The following RGS22 variants were observed in gnomAD, a reference collection of about 807,000 sequenced individuals.
RGS22 encodes the protein regulator of G protein signaling 22.
RGS22 carries 148 observed loss-of-function variants against 172.9 expected under a neutral mutation model. The observed-to-expected ratio is 0.86, with a 90% CI of 0.75 to 0.98. The LOEUF (loss-of-function observed/expected upper bound fraction) is 0.98, where lower values mean the gene tolerates loss of function less well. Ranked by LOEUF, RGS22 falls within the 50% of genes least tolerant of loss-of-function variation. The probability of loss-of-function intolerance (pLI) is 0.00; values close to 1 mark genes in which losing one functional copy is unlikely to be tolerated. For synonymous variants in RGS22, 458 were observed against 480.2 expected, an observed-to-expected ratio of 0.95 and a Z score of 0.60; for missense variants, 1,347 against 1,440.8, an observed-to-expected ratio of 0.93 and a Z score of 1.05.
At chr8:99,975,432 A>G (rs1381632574) in intron 23 of RGS22, among the ~76,000 whole-genome samples, 1 of 151,898 alleles carries the variant, frequency 6.6e-6, no homozygotes, top group East Asian at 1.9e-4. Flanking sequence ...TTATTTCTCA[A>G]TTTCCTGTGT....
At chr8:100,084,509 A>G (rs1179816244) in intron 3 of RGS22, among the ~76,000 whole-genome samples, 4 of 152,248 alleles carry the variant, frequency 2.6e-5, no homozygotes, top group Admixed American at 2.6e-4. Context: ...TTATTATAAA[A>G]AAAGAAATGT....
In RGS22 at chr8:100,105,912, T is replaced by G. The variant is rs186700410; in HGVS notation, c.10A>C (p.Lys4Gln). MPE[K>Q]RLTAEPPTIT... ...CGCCACCTACCCGCGGTGAGCCTCTTCTCGGGCATGCCGTCCCCGCTGCCC... is the reference window on the plus strand; with the variant it reads ...CGCCACCTACCCGCGGTGAGCCTCTGCTCGGGCATGCCGTCCCCGCTGCCC... Residue 4 changes from lysine (K) to glutamine (Q), a missense_variant, in exon 1 of 28, where the codon AAG becomes CAG. Transcript: ENST00000360863. 1.8e-4 allele frequency: 262 copies of G among 1,494,358 alleles called. 1 individual carries two copies. In the East Asian group the frequency reaches 6.7e-3, roughly 38 times the overall value. 92.6% of individuals were successfully genotyped at this position (1,494,358 alleles called of 1,614,324 possible). A position where few individuals can be genotyped will look rare whatever the true frequency, so the allele number is the denominator to read the frequency against.
chr8:99,967,175 G>C (rs946253337), intron 23 of RGS22, among the ~76,000 whole-genome samples: 1 of 152,178 alleles, frequency 6.6e-6, no homozygotes, highest in Non-Finnish European at 1.5e-5. Flanking sequence ...GTGCTGTGAG[G>C]AATGATGCAC....
At chr8:99,987,371 C>T (rs1278483130) in intron 21 of RGS22, 87 bp downstream of exon 21, 3 of 1,012,076 alleles carry the variant, frequency 3.0e-6, no homozygotes, top group African/African-American at 1.6e-5. Flanking sequence ...TTATACAAAT[C>T]TTGTGCATAA....
chr8:100,064,394 T>C (rs771095170), intron 7 of RGS22, among the ~76,000 whole-genome samples: 7 of 151,800 alleles, frequency 4.6e-5, no homozygotes, highest in Non-Finnish European at 1.0e-4. Flanking sequence ...ACCCAGGAGA[T>C]AGAGGTTGCA....
At chr8:100,076,436 C>G (rs1335883104) in intron 4 of RGS22, among the ~76,000 whole-genome samples, 1 of 152,054 alleles carries the variant, frequency 6.6e-6, no homozygotes, top group Non-Finnish European at 1.5e-5. Context: ...CTTCAAATTC[C>G]TTCATTTAGT....
rs151270725 is a variant in RGS22 at position 100,078,958 on chromosome 8, C to T, written c.339+1176G>A. Among the ~76,000 whole-genome samples the T allele has an allele frequency of 2.0e-5, 3 of 152,332 alleles. No individual in the cohort carries two copies. In the East Asian group the frequency reaches 5.8e-4, roughly 29 times the overall value. The stretch of plus-strand genomic sequence containing the variant: ...CATTACTTATGCCTCTTTCTAAAAA[C>T]TTCTAAATTGCTGCTCTAGTTTTAT... On this transcript the variant is annotated intron_variant, in intron 4 of 27. Coordinates refer to ENST00000360863, the MANE Select transcript of RGS22 (RefSeq NM_015668.5).
chr8:99,962,411 C>A lies in RGS22; in HGVS notation c.*28G>T. ...TGACGTACCTTGAACCTATCAGCAG[C>A]AGGATGTAAACATTCACAAGAATGC... On this transcript the variant is annotated 3_prime_UTR_variant, in exon 27 of 28. Coordinates refer to ENST00000360863, the MANE Select transcript of RGS22 (RefSeq NM_015668.5). 6.2e-7 allele frequency: 1 copy of A among 1,612,740 alleles called. No homozygotes were observed. The highest frequency in any genetic ancestry group is 2.2e-5 in the East Asian group (1 of 44,878).
intron 14 of RGS22, among the ~76,000 whole-genome samples, chr8:100,014,150 CT>C (rs1181743046): frequency 6.6e-6 from 1 of 152,158 alleles, no homozygotes; most frequent in African/African-American, 2.4e-5. Context: ...TCTTTTAAAT[CT>C]TTTTGTTTCT....
At chr8:100,029,867 T>TG (rs769098882) in intron 14 of RGS22, among the ~76,000 whole-genome samples, 1 of 152,074 alleles carries the variant, frequency 6.6e-6, no homozygotes, top group Non-Finnish European at 1.5e-5. Context: ...CCAGGAAATT[T>TG]TGTAAAACAC....
chr8:100,017,110 G>A (rs1309812726), intron 14 of RGS22, among the ~76,000 whole-genome samples: 1 of 144,164 alleles, frequency 6.9e-6, no homozygotes, highest in Admixed American at 7.4e-5. Flanking sequence ...CAATCCTCTT[G>A]TCAACTTTCA....
chr8:100,098,898 T>A (rs1586293870), intron 2 of RGS22, among the ~76,000 whole-genome samples: 1 of 97,874 alleles, frequency 1.0e-5, no homozygotes, highest in East Asian at 2.4e-4. Context: ...TTTATTTTAT[T>A]TTATTTTATT....
intron 20 of RGS22, among the ~76,000 whole-genome samples, chr8:99,991,466 G>A (rs561358176): frequency 2.4e-4 from 36 of 152,262 alleles, no homozygotes; most frequent in African/African-American, 6.0e-4. Context: ...ACTTCGCGAC[G>A]CATGCACAAG....
In RGS22 at chr8:100,002,194, G is replaced by A. The variant is rs753651451; in HGVS notation, c.2790+8C>T. The stretch of plus-strand genomic sequence containing the variant: ...ATCAATTAAAAAAATAGGTTTGCAT[G>A]TTGATACCTGGTTCTGCTGATACAG... On this transcript the variant is annotated splice_region_variant and intron_variant, in intron 18 of 27. Transcript: ENST00000360863. 9.1e-6 allele frequency: 14 copies of A among 1,544,456 alleles called. No individual in the cohort carries two copies. Among genetic ancestry groups the A allele is most frequent in the South Asian group, 1.3e-5 (1 of 78,350 alleles).
At chr8:100,080,068 TA>T in intron 4 of RGS22, 65 bp downstream of exon 4, 1 of 1,139,400 alleles carries the variant, frequency 8.8e-7, no homozygotes, top group Non-Finnish European at 1.3e-6. Context: ...GAAGCCTAAG[TA>T]AACTCATGTT....
chr8:100,000,543 T>C (rs999537377), intron 18 of RGS22, among the ~76,000 whole-genome samples: 6 of 151,968 alleles, frequency 3.9e-5, no homozygotes, highest in African/African-American at 9.7e-5. Context: ...AGAAGGATCA[T>C]TGGGGAAAAT....
intron 14 of RGS22, among the ~76,000 whole-genome samples, chr8:100,021,553 T>C (rs1361377057): frequency 5.3e-5 from 8 of 152,150 alleles, no homozygotes; most frequent in Admixed American, 1.3e-4. Flanking sequence ...TACTAATGGA[T>C]CTTGATTCAG....
intron 14 of RGS22, among the ~76,000 whole-genome samples, chr8:100,024,525 T>C (rs1817963805): frequency 1.3e-5 from 2 of 152,126 alleles, no homozygotes; most frequent in African/African-American, 4.8e-5. Context: ...GCATACAAGG[T>C]AAACAGAGCA....
chr8:99,973,259 C>T (rs1811568400), intron 23 of RGS22, among the ~76,000 whole-genome samples: 1 of 152,088 alleles, frequency 6.6e-6, no homozygotes, highest in Admixed American at 6.5e-5. Context: ...GACTTGGAAC[C>T]AACCCAAATG....
Sources: gnomAD v4.1 joint callset for allele counts (sites outside exome capture counted in the v4.1 genomes callset) on GRCh38, gnomAD v4.1.1 for gene constraint, MANE v1.5 for transcripts, NCBI Gene and HGNC (gene_info 2026-07-23, HGNC 2026-07-21) for gene names.